The following EVI2B variants were observed in gnomAD, a reference collection of about 807,000 sequenced individuals.
The protein encoded by EVI2B is ecotropic viral integration site 2B, also known as protein EVI2B.
Under a neutral mutation model 6.6 loss-of-function variants are expected in EVI2B, and 4 were observed. That is an observed-to-expected ratio of 0.61 (90% CI 0.30 to 1.39). The LOEUF is 1.39. Ranked by LOEUF, EVI2B falls within the 40% of genes most tolerant of loss-of-function variation. The pLI, the probability that EVI2B is intolerant of heterozygous loss-of-function variation, is 0.08. For missense variants in EVI2B, 484 were observed against 516.6 expected, an observed-to-expected ratio of 0.94 and a Z score of 0.61; for synonymous variants, 181 against 186.8, an observed-to-expected ratio of 0.97 and a Z score of 0.25.
intron 1 of EVI2B, among the ~76,000 whole-genome samples, chr17:31,310,277 T>A (rs2068834555): frequency 6.7e-6 from 1 of 150,304 alleles, no homozygotes; most frequent in African/African-American, 2.5e-5. Flanking sequence ...AAACAAAAAC[T>A]CTAGGAAGCA....
Position 31,304,551 on chromosome 17 carries a change from G to A in EVI2B, c.1059C>T (p.Asn353=). The part of the protein sequence containing the change: ...PLLDLEGQES[N]QSDKPTMTIV... ...TTGTCATTGTGGGTTTGTCAGATTGGTTACTTTCCTGTCCTTCCAAATCCA... is the reference window on the plus strand; with the variant it reads ...TTGTCATTGTGGGTTTGTCAGATTGATTACTTTCCTGTCCTTCCAAATCCA... The change falls in exon 2 of 2, where the codon AAC becomes AAT. Residue 353 remains asparagine (N), a synonymous_variant. Transcript: ENST00000330927. 1 of 1,614,164 alleles carries A rather than the reference G, an allele frequency of 6.2e-7. No homozygotes were observed. The highest frequency in any genetic ancestry group is 8.5e-7 in the Non-Finnish European group (1 of 1,180,020).
Position 31,305,597 on chromosome 17 carries a change from A to G in EVI2B, c.13T>C (p.Tyr5His), listed in dbSNP as rs370014149. ...CCACAAAACAAAATTAAGATGAAAT[A>G]TTTGGGATCCATTTCAGAATATTTC... Reference protein sequence around the residue: MDPKYFILILFCGHL... With the variant: MDPKHFILILFCGHL... Residue 5 changes from tyrosine (Y) to histidine (H), a missense_variant, in exon 2 of 2, where the codon TAT becomes CAT. By Grantham distance (83) the Tyr-to-His change is moderately conservative. Coordinates refer to ENST00000330927, the MANE Select transcript of EVI2B (RefSeq NM_006495.4). 2.7e-5 allele frequency: 43 copies of G among 1,612,206 alleles called. No homozygotes were observed. In the Admixed American group the frequency reaches 4.0e-4, roughly 15 times the overall value.
intron 1 of EVI2B, among the ~76,000 whole-genome samples, chr17:31,308,355 G>T (rs144270481): frequency 1.3e-5 from 2 of 151,984 alleles, no homozygotes; most frequent in Non-Finnish European, 2.9e-5. Flanking sequence ...TGTCCAGACC[G>T]GTCTCGAACT....
chr17:31,310,686 A>G (rs952753981), intron 1 of EVI2B, among the ~76,000 whole-genome samples: 4 of 152,032 alleles, frequency 2.6e-5, no homozygotes, highest in Admixed American at 2.6e-4. Flanking sequence ...AATTATTCCA[A>G]AGAACCCATG....
chr17:31,312,831 A>G (rs1366734658), intron 1 of EVI2B, among the ~76,000 whole-genome samples: 1 of 151,266 alleles, frequency 6.6e-6, no homozygotes, highest in Non-Finnish European at 1.5e-5. Context: ...TTATTCCCTG[A>G]AATTACAAGT....
intron 1 of EVI2B, among the ~76,000 whole-genome samples, chr17:31,305,962 C>T (rs893097659): frequency 2.0e-5 from 3 of 152,172 alleles, no homozygotes; most frequent in African/African-American, 7.2e-5. Flanking sequence ...CTTCTCAAAA[C>T]GCATAGGCTC....
At chr17:31,309,168 C>A (rs1443643566) in intron 1 of EVI2B, among the ~76,000 whole-genome samples, 2 of 152,174 alleles carry the variant, frequency 1.3e-5, no homozygotes, top group African/African-American at 4.8e-5. Flanking sequence ...CCACCTGATT[C>A]CAAAGCATAC....
intron 1 of EVI2B, among the ~76,000 whole-genome samples, chr17:31,308,866 C>G (rs1002343850): frequency 2.0e-5 from 3 of 152,212 alleles, no homozygotes; most frequent in Admixed American, 2.0e-4. Flanking sequence ...CACTTCTATT[C>G]TCTTAAGTAA....
chr17:31,305,760 A>G, intron 1 of EVI2B, 130 bp from the exon 2 acceptor site: 1 of 765,568 alleles, frequency 1.3e-6, no homozygotes. Context: ...GTAGTTGATT[A>G]GTAGTTATTA....
rs1330441874 is a variant in EVI2B, at chr17:31,304,354, A to G, written c.1256T>C (p.Leu419Pro). The change falls in exon 2 of 2, where the codon CTT (leucine) becomes CCT (proline). Residue 419 changes from leucine to proline, a missense_variant. Transcript: ENST00000330927. ...DFMKNQEDSN[L>P]EIQCQEFSIP... ...AGAGAACTCCTGACACTGGATCTCAAGGTTGGAATCTTCTTGGTTTTTCAT... is the reference window on the plus strand; with the variant it reads ...AGAGAACTCCTGACACTGGATCTCAGGGTTGGAATCTTCTTGGTTTTTCAT... 6.2e-7 allele frequency: 1 copy of G among 1,614,116 alleles called. No individual in the cohort carries two copies. The highest frequency in any genetic ancestry group is 2.2e-5 in the East Asian group (1 of 44,876).
intron 1 of EVI2B, among the ~76,000 whole-genome samples, chr17:31,310,053 A>C (rs2068827077): frequency 6.6e-6 from 1 of 152,166 alleles, no homozygotes; most frequent in Admixed American, 6.5e-5. Flanking sequence ...TAGTGGAAAA[A>C]ACTGACTTTT....
chr17:31,306,245 C>T (rs1256127973), intron 1 of EVI2B, among the ~76,000 whole-genome samples: 1 of 152,132 alleles, frequency 6.6e-6, no homozygotes, highest in Non-Finnish European at 1.5e-5. Context: ...ATTCTGTCCT[C>T]ACCCTTACCT....
chr17:31,313,917 A>T, intron 1 of EVI2B, 62 bp downstream of exon 1: 1 of 396,984 alleles, frequency 2.5e-6, no homozygotes, highest in East Asian at 3.6e-5. Context: ...CACTAATGAC[A>T]GTTTTTAAAA....
rs1193093352 is a variant in EVI2B at position 31,314,022 on chromosome 17, A to T, written c.-65T>A. 7.5e-6 allele frequency: 3 copies of T among 398,164 alleles called. No individual in the cohort carries two copies. Among genetic ancestry groups the T allele is most frequent in the South Asian group, 1.3e-4 (1 of 7,858 alleles). 24.7% of individuals were successfully genotyped at this position (398,164 alleles called of 1,614,324 possible). On this transcript the variant is annotated 5_prime_UTR_variant, in exon 1 of 2. The change abolishes the stop of an existing upstream ORF in the 5' untranslated region. Coordinates refer to ENST00000330927, the MANE Select transcript of EVI2B (RefSeq NM_006495.4). ...TTGCAGAATGCTAAATTCTTGTTCT[A>T]ACTGGACATTTTGGTGATTTGGCTA...
At chr17:31,307,757 GAA>G in intron 1 of EVI2B, 1 of 516,538 alleles carries the variant, frequency 1.9e-6, no homozygotes, top group Non-Finnish European at 3.2e-6. Context: ...TAACATTAGG[GAA>G]TAGAAAATCT....
chr17:31,304,723 T>C lies in EVI2B; in HGVS notation c.887A>G (p.Glu296Gly). 1.2e-6 allele frequency: 2 copies of C among 1,614,208 alleles called. No individual in the cohort carries two copies. The highest frequency in any genetic ancestry group is 2.7e-5 in the African/African-American group (2 of 75,062). Residue 296 changes from glutamate (E) to glycine (G), a missense_variant, in exon 2 of 2, where the codon GAA (glutamate) becomes GGA (glycine). Physicochemically the swap from Glu to Gly is moderately conservative, Grantham distance 98. Coordinates refer to ENST00000330927, the MANE Select transcript of EVI2B (RefSeq NM_006495.4). ...GGGGTTGTTGGAGTCTTCAATGTTTTCACTTGATTCAAACAACTTAATTTC... is the reference window on the plus strand; with the variant it reads ...GGGGTTGTTGGAGTCTTCAATGTTTCCACTTGATTCAAACAACTTAATTTC... Reference protein sequence around the residue: ...DLEIKLFESSENIEDSNNPKT... With the variant: ...DLEIKLFESSGNIEDSNNPKT...
At position 31,305,082 on chromosome 17, in the gene EVI2B, A is replaced by G. The variant is rs1203926358; in HGVS notation, c.528T>C (p.Asn176=). The change falls in exon 2 of 2, where the codon AAT becomes AAC. Residue 176 remains asparagine, a synonymous_variant. Transcript: ENST00000330927. ...PSTQPTSTVK[N]SPRSTPGFIL... ...TAAATCCTGGTGTACTCCTAGGTGAATTTTTGACAGTTGATGTTGGTTGTG... is the reference window on the plus strand; with the variant it reads ...TAAATCCTGGTGTACTCCTAGGTGAGTTTTTGACAGTTGATGTTGGTTGTG... 1.9e-6 allele frequency: 3 copies of G among 1,614,088 alleles called. No homozygotes were observed. The highest frequency in any genetic ancestry group is 2.5e-6 in the Non-Finnish European group (3 of 1,180,014).
Position 31,313,722 on chromosome 17 carries a change from A to ATGTGTGTG in EVI2B, c.-22+249_-22+256dup, listed in dbSNP as rs60267436. 1.6e-3 allele frequency among the ~76,000 whole-genome samples: 219 copies of ATGTGTGTG among 139,054 alleles called. 1 individual carries two copies. The highest frequency in any genetic ancestry group is 5.5e-3 in the African/African-American group (199 of 36,334). The allele number at this position is 139,054 out of a possible 152,430, so 91.2% of individuals were successfully genotyped here. ...CTCTATCTCAAAAAAAAAAAAAAAT[A>ATGTGTGTG]TGTGTGTGTGTGTGTGTGTGTGTGT... On this transcript the variant is annotated intron_variant, in intron 1 of 1. Transcript: ENST00000330927.
rs2068631634 is a variant in EVI2B, at chr17:31,303,784, T to C, written c.*479A>G. 1 of 152,634 alleles carries C rather than the reference T, an allele frequency of 6.6e-6. No homozygotes were observed. Among genetic ancestry groups the C allele is most frequent in the South Asian group, 2.1e-4 (1 of 4,834 alleles). 9.5% of individuals were successfully genotyped at this position (152,634 alleles called of 1,614,324 possible). On this transcript the variant is annotated 3_prime_UTR_variant, in exon 2 of 2. Transcript: ENST00000330927. ...AAGAAAATTTCTCTATTCTCAAACATGCATTTTAATCTCCCATTCCCACAA... is the reference window on the plus strand; with the variant it reads ...AAGAAAATTTCTCTATTCTCAAACACGCATTTTAATCTCCCATTCCCACAA...
Sources: allele counts gnomAD v4.1 joint callset (sites outside exome capture counted in the v4.1 genomes callset), GRCh38; gene constraint gnomAD v4.1.1; transcripts MANE v1.5; gene names NCBI Gene and HGNC (gene_info 2026-07-23, HGNC 2026-07-21).